The following DHRSX variants were observed in gnomAD, a reference collection of about 807,000 sequenced individuals.
DHRSX encodes polyprenol dehydrogenase.
DHRSX carries 31 observed loss-of-function variants against 34.0 expected under a neutral mutation model. The ratio of observed to expected loss-of-function variants is 0.91; its 90% confidence interval spans 0.69 to 1.23. The LOEUF is 1.23. Ranked by LOEUF, DHRSX falls within the 50% of genes most tolerant of loss-of-function variation. The probability of loss-of-function intolerance (pLI) is 0.00; values close to 1 mark genes in which losing one functional copy is unlikely to be tolerated. For missense variants in DHRSX, 414 were observed against 428.1 expected (o/e 0.97, Z 0.29); for synonymous variants, 201 against 183.8 (o/e 1.09, Z -0.76).
At chrX:2,288,738 A>G (rs1474032490) in intron 4 of DHRSX, among the ~76,000 whole-genome samples, 2 of 152,236 alleles carry the variant, frequency 1.3e-5, no homozygotes, top group African/African-American at 2.4e-5. Context: ...AAGTCTAGGA[A>G]GAAGTAAACC....
intron 3 of DHRSX, among the ~76,000 whole-genome samples, chrX:2,329,805 C>T (rs1327328406): frequency 2.6e-5 from 4 of 151,956 alleles, no homozygotes; most frequent in African/African-American, 9.7e-5. Context: ...TCCTACAACC[C>T]ACGAAGCAAA....
intron 3 of DHRSX, among the ~76,000 whole-genome samples, chrX:2,365,722 C>A (rs1407783579): frequency 6.6e-6 from 1 of 152,068 alleles, no homozygotes; most frequent in Non-Finnish European, 1.5e-5. Flanking sequence ...CAGGATACTC[C>A]ACCATAGCAA....
At chrX:2,485,910 AG>A (rs2124078008) in intron 1 of DHRSX, among the ~76,000 whole-genome samples, 1 of 146,604 alleles carries the variant, frequency 6.8e-6, no homozygotes, top group East Asian at 2.0e-4. Flanking sequence ...ATGGGAGGGA[AG>A]GAAGGAAGGA....
intron 6 of DHRSX, among the ~76,000 whole-genome samples, chrX:2,222,967 T>C (rs970707564): frequency 1.3e-5 from 2 of 152,158 alleles, no homozygotes; most frequent in African/African-American, 2.4e-5. Context: ...CTCCTGAGAT[T>C]GTTTCCCACT....
At chrX:2,415,478 C>T (rs1214292926) in intron 2 of DHRSX, among the ~76,000 whole-genome samples, 1 of 152,102 alleles carries the variant, frequency 6.6e-6, no homozygotes, top group Non-Finnish European at 1.5e-5. Flanking sequence ...CCTAATACAA[C>T]TAGATCTCAT....
At chrX:2,340,754 G>A (rs905633613) in intron 3 of DHRSX, among the ~76,000 whole-genome samples, 2 of 152,084 alleles carry the variant, frequency 1.3e-5, no homozygotes, top group East Asian at 1.9e-4. Context: ...CTAGGCTTGG[G>A]AGAAAGATAG....
intron 5 of DHRSX, among the ~76,000 whole-genome samples, chrX:2,254,477 C>T (rs1407357866): frequency 6.6e-6 from 1 of 152,106 alleles, no homozygotes; most frequent in African/African-American, 2.4e-5. Context: ...TTATAACAAT[C>T]CTTCATGTCT....
At chrX:2,486,961 C>G (rs1045259044) in intron 1 of DHRSX, 3 of 152,238 alleles carry the variant, frequency 2.0e-5, no homozygotes, top group Admixed American at 2.0e-4. Context: ...CGGCAGAACA[C>G]TGCCTGGAGC....
At chrX:2,232,102 T>C (rs1397997983) in intron 6 of DHRSX, among the ~76,000 whole-genome samples, 3 of 148,382 alleles carry the variant, frequency 2.0e-5, no homozygotes, top group African/African-American at 7.5e-5. Context: ...ATCTTCCTTT[T>C]TCTCTCTCTC....
intron 1 of DHRSX, among the ~76,000 whole-genome samples, chrX:2,427,454 G>A (rs1255175117): frequency 6.6e-6 from 1 of 152,212 alleles, no homozygotes; most frequent in African/African-American, 2.4e-5. Flanking sequence ...AGGGTCTCCT[G>A]AAGCAGCTGC....
chrX:2,484,230 C>T (rs1191918950), intron 1 of DHRSX, among the ~76,000 whole-genome samples: 2 of 152,194 alleles, frequency 1.3e-5, no homozygotes, highest in Non-Finnish European at 2.9e-5. Flanking sequence ...GCCTCGGCCT[C>T]CCAAAGTGCT....
chrX:2,314,325 A>G, intron 3 of DHRSX, among the ~76,000 whole-genome samples: 1 of 29,714 alleles, frequency 3.4e-5, no homozygotes. Flanking sequence ...GCAGGGAGGG[A>G]AGGAGGGAGG....
At chrX:2,272,405 C>T in intron 4 of DHRSX, among the ~76,000 whole-genome samples, 1 of 152,100 alleles carries the variant, frequency 6.6e-6, no homozygotes, top group Non-Finnish European at 1.5e-5. Flanking sequence ...TAAAGCAGGC[C>T]TGCAAATTCT....
intron 1 of DHRSX, among the ~76,000 whole-genome samples, chrX:2,445,008 T>A (rs1004291486): frequency 1.3e-5 from 2 of 151,832 alleles, no homozygotes; most frequent in Non-Finnish European, 2.9e-5. Context: ...AATACAAAAA[T>A]TAGCTGGGCC....
In DHRSX at chrX:2,499,887, T is replaced by G. The variant is rs138664659; in HGVS notation, c.109+930A>C. On this transcript the variant is annotated intron_variant, in intron 1 of 6. Transcript: ENST00000334651. Reference sequence around the variant, plus strand: ...TAGCAAGACCCCGTCTACAAAACTTTAAAACATTAGTCGGATGCAGTAGCT... The same window carrying G: ...TAGCAAGACCCCGTCTACAAAACTTGAAAACATTAGTCGGATGCAGTAGCT... 1.4e-3 allele frequency among the ~76,000 whole-genome samples: 215 copies of G among 152,012 alleles called. 1 individual carries two copies. The East Asian group carries it at 0.03, about 22-fold the overall frequency.
chrX:2,383,584 A>G (rs933217828), intron 3 of DHRSX, among the ~76,000 whole-genome samples: 17 of 152,164 alleles, frequency 1.1e-4, no homozygotes, highest in Admixed American at 3.9e-4. Context: ...GCTGTCATTC[A>G]TGAGATCCCA....
intron 3 of DHRSX, among the ~76,000 whole-genome samples, chrX:2,335,994 T>G (rs1303282367): frequency 1.3e-5 from 2 of 152,044 alleles, no homozygotes; most frequent in African/African-American, 4.8e-5. Context: ...TTTAATATCA[T>G]GCTTTTGTTT....
rs2043828568 is a variant in DHRSX, at chrX:2,425,217, A to G, written c.197T>C (p.Leu66Pro). The change falls in exon 2 of 7, where the codon CTT becomes CCT. Residue 66 changes from leucine to proline, a missense_variant. Transcript: ENST00000334651. ...ATCACCTATGATAACATGCATGCCA[A>G]GTCTCGCCAGATGCTTCGCTGTAGA... is the stretch of plus-strand genomic sequence containing the variant. ...GYSTAKHLAR[L>P]GMHVIIAGNN... is the part of the protein sequence containing the mutation. 1.2e-6 allele frequency: 2 copies of G among 1,613,644 alleles called. No individual in the cohort carries two copies. The highest frequency in any genetic ancestry group is 2.2e-5 in the East Asian group (1 of 44,898).
Position 2,425,222 on chromosome X carries a change from C to G in DHRSX, c.192G>C (p.Ala64=). 3 of 1,613,730 alleles carry G rather than the reference C, an allele frequency of 1.9e-6. No homozygotes were observed. The South Asian group carries it at 3.3e-5, about 18-fold the overall frequency. Residue 64 remains alanine (A), a synonymous_variant, in exon 2 of 7, where the codon GCG becomes GCC. Transcript: ENST00000334651. ...CTATGATAACATGCATGCCAAGTCT[C>G]GCCAGATGCTTCGCTGTAGAATAGC... ...GIGYSTAKHL[A]RLGMHVIIAG...
Sources: gnomAD v4.1 joint callset for allele counts (sites outside exome capture counted in the v4.1 genomes callset) on GRCh38, gnomAD v4.1.1 for gene constraint, MANE v1.5 for transcripts, NCBI Gene and HGNC (gene_info 2026-07-23, HGNC 2026-07-21) for gene names.